Variants in ALLC observed in about 807,000 individuals in gnomAD.
ALLC encodes the protein probable inactive allantoicase.
A neutral mutation model predicts 45.0 loss-of-function variants in ALLC; 40 were observed. The observed-to-expected ratio is 0.89, with a 90% CI of 0.69 to 1.16. The LOEUF is 1.16. ALLC is among the 50% of genes most tolerant of loss of function. ALLC has a pLI of 0.00. For missense variants in ALLC, 488 were observed against 493.1 expected, an observed-to-expected ratio of 0.99 and a Z score of 0.10; for synonymous variants, 176 against 178.1, an observed-to-expected ratio of 0.99 and a Z score of 0.09.
chr2:3,666,187 G>A (rs556176391), intron 1 of ALLC, among the ~76,000 whole-genome samples: 1 of 152,200 alleles, frequency 6.6e-6, no homozygotes, highest in Non-Finnish European at 1.5e-5. Context: ...CCCACCACAG[G>A]GGGGTGGCTG....
chr2:3,646,519 G>A, the ALLC span, among the ~76,000 whole-genome samples: 1 of 152,206 alleles, frequency 6.6e-6, no homozygotes, highest in Admixed American at 6.5e-5. Flanking sequence ...CCGGACCTGA[G>A]TGGTCCCTGG....
chr2:3,669,794 T>C (rs2147996938), intron 1 of ALLC, among the ~76,000 whole-genome samples: 1 of 152,206 alleles, frequency 6.6e-6, no homozygotes, highest in Non-Finnish European at 1.5e-5. Context: ...GGGCTGCTCC[T>C]CCCGGAGGTG....
chr2:3,664,093 G>A (rs752491789), intron 1 of ALLC, among the ~76,000 whole-genome samples: 2 of 152,222 alleles, frequency 1.3e-5, no homozygotes, highest in Non-Finnish European at 2.9e-5. Context: ...CCTTGTGGTG[G>A]GACATCTCTC....
chr2:3,690,013 G>T (rs2148014316), intron 7 of ALLC, among the ~76,000 whole-genome samples: 1 of 146,614 alleles, frequency 6.8e-6, no homozygotes, highest in Admixed American at 6.8e-5. Flanking sequence ...AGCTACTCCT[G>T]CTCTTTTTTG....
intron 1 of ALLC, among the ~76,000 whole-genome samples, chr2:3,669,240 G>A (rs573973494): frequency 7.8e-4 from 119 of 152,182 alleles, no homozygotes; most frequent in African/African-American, 2.7e-3. Context: ...TTGGGAGGCC[G>A]AGGTGGGTGG....
the ALLC span, among the ~76,000 whole-genome samples, chr2:3,651,739 C>T: frequency 6.6e-6 from 1 of 152,084 alleles, no homozygotes; most frequent in Admixed American, 6.5e-5. Context: ...GGGAAACATG[C>T]CCGGCGTTTC....
chr2:3,680,321 G>C lies in ALLC; in HGVS notation c.298+327G>C, dbSNP rs1319390481. Among the ~76,000 whole-genome samples the C allele has an allele frequency of 6.6e-6, 1 of 152,080 alleles. No homozygotes were observed. Among genetic ancestry groups the C allele is most frequent in the Non-Finnish European group, 1.5e-5 (1 of 68,036 alleles). The stretch of plus-strand genomic sequence containing the variant: ...GCGGGAGGGAGTGGTTTGTGCCTCA[G>C]ATGACCCGGGTGATGTGGACCCAGG... On this transcript the variant is annotated intron_variant, in intron 5 of 11. Transcript: ENST00000252505. This position sits in a 1 kb window ranked among gnomAD's most constrained non-coding sequence, Gnocchi z 4.0.
At chr2:3,684,703 A>T (rs1667279979) in intron 7 of ALLC, among the ~76,000 whole-genome samples, 1 of 152,134 alleles carries the variant, frequency 6.6e-6, no homozygotes, top group Non-Finnish European at 1.5e-5. Context: ...CTCCAACTCC[A>T]TCCAGGTTGC....
chr2:3,645,882 CT>C, the ALLC span, among the ~76,000 whole-genome samples: 1 of 152,018 alleles, frequency 6.6e-6, no homozygotes, highest in Non-Finnish European at 1.5e-5. The surrounding 1 kb of genome is among the most constrained non-coding windows in gnomAD (Gnocchi z 4.3). Flanking sequence ...CGAGAGGGAG[CT>C]GTGGAGCTGG....
chr2:3,648,019 T>C, the ALLC span, among the ~76,000 whole-genome samples: 1 of 152,058 alleles, frequency 6.6e-6, no homozygotes, highest in East Asian at 1.9e-4. Context: ...GCTCTGCTGA[T>C]GATGGTGCAG....
intron 7 of ALLC, among the ~76,000 whole-genome samples, chr2:3,691,353 A>G (rs974373345): frequency 2.9e-5 from 4 of 139,814 alleles, no homozygotes; most frequent in Non-Finnish European, 5.0e-5. Flanking sequence ...CCTTTGGCTC[A>G]GATGATTCTC....
At chr2:3,677,530 C>T (rs923026158) in intron 3 of ALLC, among the ~76,000 whole-genome samples, 26 of 152,230 alleles carry the variant, frequency 1.7e-4, no homozygotes, top group African/African-American at 6.3e-4. Context: ...TGACAACAGC[C>T]AGAGGCGGTC....
chr2:3,658,510 G>T (rs1666494521), intron 1 of ALLC, among the ~76,000 whole-genome samples: 1 of 152,202 alleles, frequency 6.6e-6, no homozygotes, highest in Admixed American at 6.5e-5. Flanking sequence ...GGTGGGTCAG[G>T]CTTCTGGGCT....
intron 1 of ALLC, among the ~76,000 whole-genome samples, chr2:3,662,865 GC>G (rs1268773974): frequency 1.3e-5 from 2 of 152,182 alleles, no homozygotes; most frequent in Non-Finnish European, 2.9e-5. Context: ...GCTTTGTGTT[GC>G]AGTGGCGAGG....
chr2:3,700,853 G>C (rs13398671), intron 10 of ALLC, among the ~76,000 whole-genome samples: 1,857 of 152,254 alleles, frequency 0.012, 42 homozygotes, highest in African/African-American at 0.042. Context: ...CAGGGTTCTT[G>C]ATTAGCAGCT....
intron 1 of ALLC, among the ~76,000 whole-genome samples, chr2:3,661,584 T>C (rs1401331709): frequency 6.6e-6 from 1 of 152,212 alleles, no homozygotes; most frequent in African/African-American, 2.4e-5. Context: ...CCTGGGCTTG[T>C]GAACTGGGCA....
intron 10 of ALLC, among the ~76,000 whole-genome samples, chr2:3,698,456 C>T (rs142926069): frequency 2.6e-5 from 4 of 152,138 alleles, no homozygotes; most frequent in African/African-American, 4.8e-5. Context: ...GCAGATTGAC[C>T]GGGGAAGGGG....
At chr2:3,651,313 TGGGGG>T in the ALLC span, among the ~76,000 whole-genome samples, 42 of 8,540 alleles carry the variant, frequency 4.9e-3, 5 homozygotes, top group South Asian at 0.017. Context: ...GGTGGGTGGG[TGGGGG>T]GGGTGTGTGT....
chr2:3,675,599 T>TACACAC (rs1001710125), intron 3 of ALLC, among the ~76,000 whole-genome samples: 1 of 147,902 alleles, frequency 6.8e-6, no homozygotes, highest in African/African-American at 2.6e-5. Context: ...TATATATATA[T>TACACAC]ACACACACAC....
Sources: allele counts gnomAD v4.1 joint callset (sites outside exome capture counted in the v4.1 genomes callset), GRCh38; gene constraint gnomAD v4.1.1; non-coding constraint Gnocchi (gnomAD v3.1); transcripts MANE v1.5; gene names NCBI Gene and HGNC (gene_info 2026-07-23, HGNC 2026-07-21).